The following MYO10 variants were observed in gnomAD, a reference collection of about 807,000 sequenced individuals.
MYO10 encodes myosin X, also known as unconventional myosin-X.
MYO10 carries 133 observed loss-of-function variants against 257.3 expected under a neutral mutation model. The ratio of observed to expected loss-of-function variants is 0.52; its 90% confidence interval spans 0.45 to 0.60. MYO10 has a LOEUF of 0.60. Among genes scored for constraint, MYO10 ranks in the 20% least tolerant of loss-of-function variants. The pLI is 0.00. For synonymous variants in MYO10, 1,104 were observed against 1,028.6 expected, an observed-to-expected ratio of 1.07 and a Z score of -1.40; for missense variants, 2,399 against 2,635.7, an observed-to-expected ratio of 0.91 and a Z score of 1.97.
intron 11 of MYO10, 88 bp downstream of exon 11, chr5:16,765,989 GTTA>G: frequency 1.2e-6 from 1 of 864,356 alleles, no homozygotes; most frequent in Non-Finnish European, 1.9e-6. Flanking sequence ...AGTTACAACT[GTTA>G]TTATAATTAC....
At chr5:16,912,553 G>T (rs914544566) in intron 1 of MYO10, among the ~76,000 whole-genome samples, 1 of 152,102 alleles carries the variant, frequency 6.6e-6, no homozygotes, top group African/African-American at 2.4e-5. Context: ...AGCTTTGGAA[G>T]GGAAGTTTCA....
chr5:16,670,543 T>C lies in MYO10; in HGVS notation c.5866A>G (p.Thr1956Ala). The C allele has an allele frequency of 6.2e-7, 1 of 1,609,438 alleles. No individual in the cohort carries two copies. Among genetic ancestry groups the C allele is most frequent in the South Asian group, 1.1e-5 (1 of 90,478 alleles). Residue 1956 changes from threonine (T) to alanine (A), a missense_variant, in exon 39 of 41, where the codon ACG (threonine) becomes GCG (alanine). Transcript: ENST00000513610. ...GTTCTCACCTCCACATCAAACAGCGTCGAGCCATAGCCAGGCCACTCCTTG... is the reference window on the plus strand; with the variant it reads ...GTTCTCACCTCCACATCAAACAGCGCCGAGCCATAGCCAGGCCACTCCTTG... The part of the protein sequence containing the change: ...LIKEWPGYGS[T>A]LFDVECKEGG...
chr5:16,763,616 T>TAA (rs750470332), intron 13 of MYO10, 39 bp downstream of exon 13: 14 of 1,260,848 alleles, frequency 1.1e-5, no homozygotes, highest in South Asian at 2.8e-5. Flanking sequence ...GTTGCTGCTT[T>TAA]AAAAAAAAAA....
At chr5:16,856,706 G>A (rs1743970417) in intron 2 of MYO10, among the ~76,000 whole-genome samples, 1 of 152,142 alleles carries the variant, frequency 6.6e-6, no homozygotes, top group Admixed American at 6.5e-5. Flanking sequence ...TCTGATGGGG[G>A]CAGGGACGAG....
intron 19 of MYO10, among the ~76,000 whole-genome samples, chr5:16,732,588 T>C (rs1012766204): frequency 7.2e-5 from 11 of 152,192 alleles, no homozygotes; most frequent in African/African-American, 2.4e-4. Context: ...TCTTTGTAGA[T>C]GTTGCCAAGG....
chr5:16,744,484 T>A (rs1388523169), intron 19 of MYO10, among the ~76,000 whole-genome samples: 1 of 152,160 alleles, frequency 6.6e-6, no homozygotes, highest in Admixed American at 6.5e-5. Flanking sequence ...GCGATACCCT[T>A]CCCATGCCAA....
At chr5:16,826,614 T>C (rs1743009297) in intron 2 of MYO10, among the ~76,000 whole-genome samples, 1 of 152,210 alleles carries the variant, frequency 6.6e-6, no homozygotes, top group African/African-American at 2.4e-5. Flanking sequence ...AGGCTGCGTG[T>C]GCGTTCTCCA....
intron 2 of MYO10, among the ~76,000 whole-genome samples, chr5:16,864,953 A>G (rs1423849305): frequency 6.6e-6 from 1 of 152,204 alleles, no homozygotes; most frequent in Non-Finnish European, 1.5e-5. Flanking sequence ...TCTGGAGTAT[A>G]GACCGCTGAT....
chr5:16,745,805 T>A (rs554549211), intron 19 of MYO10, among the ~76,000 whole-genome samples: 2 of 152,346 alleles, frequency 1.3e-5, no homozygotes, highest in Non-Finnish European at 2.9e-5. Context: ...GGATGATCCC[T>A]TTATGTAACA....
rs3060810 is a variant in MYO10 at position 16,897,302 on chromosome 5, TAAAAAAA to T, written c.22-19602_22-19596del. On this transcript the variant is annotated intron_variant, in intron 1 of 40. Coordinates refer to ENST00000513610, the MANE Select transcript of MYO10 (RefSeq NM_012334.3). Reference sequence around the variant, plus strand: ...AATATCGCCTGAAATTTACACTTCGTAAAAAAAAAAAAAAAAAGTCCTTTATCAGCAT... The same window carrying T: ...AATATCGCCTGAAATTTACACTTCGTAAAAAAAAAAGTCCTTTATCAGCAT... Among the ~76,000 whole-genome samples, 97 of 129,098 alleles carry T rather than the reference TAAAAAAA, an allele frequency of 7.5e-4. 1 individual carries two copies. The East Asian group carries it at 0.021, about 27-fold the overall frequency. The allele number at this position is 129,098 out of a possible 152,430, so 84.7% of individuals were successfully genotyped here. A position where few individuals can be genotyped will look rare whatever the true frequency, so the allele number is the denominator to read the frequency against.
At chr5:16,813,203 C>A (rs1024048096) in intron 3 of MYO10, among the ~76,000 whole-genome samples, 2 of 152,060 alleles carry the variant, frequency 1.3e-5, no homozygotes, top group Admixed American at 6.5e-5. Context: ...CCACAGGAGT[C>A]CCTCCTCAAT....
At chr5:16,829,046 G>T (rs1743087739) in intron 2 of MYO10, among the ~76,000 whole-genome samples, 4 of 152,292 alleles carry the variant, frequency 2.6e-5, no homozygotes, top group South Asian at 4.1e-4. Context: ...TCCACTGAGG[G>T]TTCTGAAAAA....
intron 2 of MYO10, among the ~76,000 whole-genome samples, chr5:16,840,391 G>C (rs253335): frequency 6.6e-6 from 1 of 150,562 alleles, no homozygotes; most frequent in South Asian, 2.1e-4. Context: ...CAGCCTGGGC[G>C]ACAGAGCGAC....
At chr5:16,856,571 C>T (rs988550732) in intron 2 of MYO10, among the ~76,000 whole-genome samples, 17 of 151,874 alleles carry the variant, frequency 1.1e-4, no homozygotes, top group East Asian at 1.9e-4. Context: ...AAGAGCGAGC[C>T]GTTTCTTTCC....
intron 8 of MYO10, among the ~76,000 whole-genome samples, chr5:16,780,304 A>G (rs1276995607): frequency 1.3e-5 from 1 of 74,272 alleles, no homozygotes; most frequent in Non-Finnish European, 3.6e-5. Context: ...AAAATGTACC[A>G]AGACTCAAAA....
chr5:16,713,949 T>C (rs1440395132), intron 19 of MYO10, among the ~76,000 whole-genome samples: 1 of 152,152 alleles, frequency 6.6e-6, no homozygotes, highest in African/African-American at 2.4e-5. Flanking sequence ...GACAAATAGG[T>C]TGGAGTTTGG....
intron 26 of MYO10, 59 bp from the exon 27 acceptor site, chr5:16,694,673 C>T (rs1296433767): frequency 6.3e-7 from 1 of 1,591,662 alleles, no homozygotes; most frequent in South Asian, 1.1e-5. Flanking sequence ...AGTTGGATGA[C>T]AACAACATGC....
chr5:16,908,957 G>C (rs1745585079), intron 1 of MYO10, among the ~76,000 whole-genome samples: 1 of 152,194 alleles, frequency 6.6e-6, no homozygotes, highest in East Asian at 1.9e-4. Flanking sequence ...AGGTTGTCAG[G>C]GGCTGGGAAG....
intron 2 of MYO10, among the ~76,000 whole-genome samples, chr5:16,822,908 C>T (rs1252633288): frequency 6.6e-6 from 1 of 151,474 alleles, no homozygotes; most frequent in Non-Finnish European, 1.5e-5. Context: ...AGGACGGTCT[C>T]GATCTCCTGA....
Sources: allele counts gnomAD v4.1 joint callset (sites outside exome capture counted in the v4.1 genomes callset), GRCh38; gene constraint gnomAD v4.1.1; transcripts MANE v1.5; gene names NCBI Gene and HGNC (gene_info 2026-07-23, HGNC 2026-07-21).